The following IMMP2L variants were observed in gnomAD, a reference collection of about 807,000 sequenced individuals.
IMMP2L encodes mitochondrial inner membrane protease subunit 2.
IMMP2L carries 18 observed loss-of-function variants against 19.3 expected under a neutral mutation model. The ratio of observed to expected loss-of-function variants is 0.93; its 90% CI spans 0.64 to 1.38. The LOEUF is 1.38. Among genes scored for constraint, IMMP2L ranks in the 40% most tolerant of loss-of-function variants. The pLI, the probability that IMMP2L is intolerant of heterozygous loss-of-function variation, is 0.00. For missense variants in IMMP2L, 233 were observed against 218.2 expected, an observed-to-expected ratio of 1.07 and a Z score of -0.43; for synonymous variants, 76 against 73.0, an observed-to-expected ratio of 1.04 and a Z score of -0.21.
At chr7:110,955,613 C>T (rs997021971) in intron 4 of IMMP2L, among the ~76,000 whole-genome samples, 8 of 151,930 alleles carry the variant, frequency 5.3e-5, no homozygotes, top group African/African-American at 1.7e-4. Flanking sequence ...TTTCTGAACA[C>T]CTTCTGCTCA....
At chr7:111,126,363 C>T (rs1485064156) in intron 3 of IMMP2L, among the ~76,000 whole-genome samples, 1 of 152,010 alleles carries the variant, frequency 6.6e-6, no homozygotes, top group African/African-American at 2.4e-5. Context: ...TTAACAGGTT[C>T]GACTTTCTGA....
At chr7:111,116,701 T>A (rs1205682587) in intron 3 of IMMP2L, among the ~76,000 whole-genome samples, 2 of 152,158 alleles carry the variant, frequency 1.3e-5, no homozygotes, top group African/African-American at 2.4e-5. Flanking sequence ...GTTTTTATTT[T>A]ATTCCTTCCA....
chr7:110,982,954 T>C (rs1010962452), intron 3 of IMMP2L, among the ~76,000 whole-genome samples: 1 of 152,040 alleles, frequency 6.6e-6, no homozygotes, highest in African/African-American at 2.4e-5. Flanking sequence ...AGATTAAAGA[T>C]CATTAATTAT....
At chr7:111,257,719 A>T (rs1008145422) in intron 3 of IMMP2L, among the ~76,000 whole-genome samples, 1 of 152,132 alleles carries the variant, frequency 6.6e-6, no homozygotes, top group Admixed American at 6.6e-5. Flanking sequence ...TAAACAACAC[A>T]GTGAATGATT....
intron 5 of IMMP2L, among the ~76,000 whole-genome samples, chr7:110,781,200 T>C (rs1223842725): frequency 6.6e-6 from 1 of 151,906 alleles, no homozygotes; most frequent in Non-Finnish European, 1.5e-5. Flanking sequence ...TTAATTCATC[T>C]TGTGGTATAA....
chr7:110,898,437 C>T (rs968153924), intron 4 of IMMP2L, among the ~76,000 whole-genome samples: 4 of 152,068 alleles, frequency 2.6e-5, no homozygotes, highest in East Asian at 3.9e-4. Flanking sequence ...CTGCTCACTA[C>T]GCTAAGCTAA....
At chr7:111,556,014 G>GTGTATATAT in intron 1 of IMMP2L, among the ~76,000 whole-genome samples, 1 of 114,570 alleles carries the variant, frequency 8.7e-6, no homozygotes, top group Non-Finnish European at 1.7e-5. Context: ...TCTTCTGTGT[G>GTGTATATAT]CATGTATATA....
At chr7:110,873,325 G>A (rs531184800) in intron 5 of IMMP2L, among the ~76,000 whole-genome samples, 1 of 148,998 alleles carries the variant, frequency 6.7e-6, no homozygotes, top group African/African-American at 2.5e-5. Flanking sequence ...AGCTACTCAG[G>A]AGTCTGAGGC....
chr7:111,082,400 C>G (rs1040874231), intron 3 of IMMP2L, among the ~76,000 whole-genome samples: 1 of 152,172 alleles, frequency 6.6e-6, no homozygotes, highest in African/African-American at 2.4e-5. Context: ...CACCTTCTGT[C>G]TCATGGAATG....
At chr7:110,969,636 C>T (rs1819932246) in intron 3 of IMMP2L, among the ~76,000 whole-genome samples, 2 of 152,008 alleles carry the variant, frequency 1.3e-5, no homozygotes, top group Admixed American at 1.3e-4. Context: ...AAACCTCAGG[C>T]AGGGGCTGAA....
chr7:111,203,288 A>T (rs968743854), intron 3 of IMMP2L, among the ~76,000 whole-genome samples: 14 of 152,232 alleles, frequency 9.2e-5, no homozygotes, highest in African/African-American at 3.4e-4. Flanking sequence ...TGGCACTGGG[A>T]TACAGCAAAA....
At chr7:110,839,362 G>A (rs1804818235) in intron 5 of IMMP2L, among the ~76,000 whole-genome samples, 1 of 152,094 alleles carries the variant, frequency 6.6e-6, no homozygotes, top group South Asian at 2.1e-4. Context: ...AATTCAGGCT[G>A]TGCTAAAAGG....
At chr7:110,971,086 T>C (rs1820089740) in intron 3 of IMMP2L, among the ~76,000 whole-genome samples, 1 of 152,100 alleles carries the variant, frequency 6.6e-6, no homozygotes, top group Admixed American at 6.6e-5. Flanking sequence ...TGAATACTAG[T>C]ATACAAGAAC....
intron 5 of IMMP2L, among the ~76,000 whole-genome samples, chr7:110,821,633 C>T (rs1432142836): frequency 3.3e-5 from 5 of 151,968 alleles, no homozygotes; most frequent in Admixed American, 3.3e-4. Context: ...GAAAGGTAGG[C>T]TGGGCACAGT....
At chr7:110,719,819 T>C (rs1034123861) in intron 5 of IMMP2L, among the ~76,000 whole-genome samples, 2 of 152,324 alleles carry the variant, frequency 1.3e-5, no homozygotes, top group Middle Eastern at 3.4e-3. Flanking sequence ...CTTTATCCTG[T>C]GGTTCTGAAT....
intron 3 of IMMP2L, among the ~76,000 whole-genome samples, chr7:111,252,005 T>C (rs1816190842): frequency 6.6e-6 from 1 of 152,028 alleles, no homozygotes; most frequent in Admixed American, 6.6e-5. Context: ...TGAAAAAAAA[T>C]TCTCATGTCA....
intron 5 of IMMP2L, among the ~76,000 whole-genome samples, chr7:110,812,555 A>T (rs2131278818): frequency 6.6e-6 from 1 of 152,166 alleles, no homozygotes; most frequent in East Asian, 1.9e-4. Flanking sequence ...ATTTAGCAGG[A>T]GGACAAGGCA....
chr7:111,453,075 C>T (rs1272159800), intron 3 of IMMP2L, among the ~76,000 whole-genome samples: 2 of 152,062 alleles, frequency 1.3e-5, no homozygotes, highest in African/African-American at 4.8e-5. Context: ...CATGTTGTTC[C>T]GATTCTAATT....
At chr7:111,238,957 G>A (rs1054566930) in intron 3 of IMMP2L, among the ~76,000 whole-genome samples, 1 of 151,878 alleles carries the variant, frequency 6.6e-6, no homozygotes, top group Non-Finnish European at 1.5e-5. Context: ...GATAAAGTAT[G>A]TAATGTTCTT....
Sources: allele counts gnomAD v4.1 joint callset (sites outside exome capture counted in the v4.1 genomes callset), GRCh38; gene constraint gnomAD v4.1.1; transcripts MANE v1.5; gene names NCBI Gene and HGNC (gene_info 2026-07-23, HGNC 2026-07-21).